ATP2B2: variants seen among roughly 807,000 people sequenced by gnomAD.
ATP2B2 encodes plasma membrane calcium-transporting ATPase 2.
A neutral mutation model predicts 120.0 loss-of-function variants in ATP2B2; 15 were observed. That is an observed-to-expected ratio of 0.12 (90% CI 0.08 to 0.19). The LOEUF is 0.19. ATP2B2 is among the 10% of genes least tolerant of loss of function. The probability of loss-of-function intolerance (pLI) is 1.00; values close to 1 mark genes in which losing one functional copy is unlikely to be tolerated. For missense variants in ATP2B2, 1,045 were observed against 1,719.8 expected (o/e 0.61, Z 6.94); for synonymous variants, 694 against 700.3 (o/e 0.99, Z 0.14).
At chr3:10,572,520 A>C (rs2068150618) in intron 2 of ATP2B2, among the ~76,000 whole-genome samples, 1 of 152,206 alleles carries the variant, frequency 6.6e-6, no homozygotes, top group East Asian at 1.9e-4. Flanking sequence ...TGTTATGTGT[A>C]TTTTAGCACA....
intron 11 of ATP2B2, among the ~76,000 whole-genome samples, chr3:10,374,603 G>A (rs3774169): frequency 0.069 from 10,429 of 152,212 alleles, 623 homozygotes; most frequent in East Asian, 0.32. Flanking sequence ...CCGGCCCTTC[G>A]AGGTGGAGAA....
chr3:10,618,200 A>G (rs2069448529), intron 2 of ATP2B2, among the ~76,000 whole-genome samples: 1 of 152,240 alleles, frequency 6.6e-6, no homozygotes, highest in Non-Finnish European at 1.5e-5. Flanking sequence ...CCAGTCCTGC[A>G]TCTTAATGGT....
At position 10,606,711 on chromosome 3, in the gene ATP2B2, A is replaced by G. The variant is rs187456217; in HGVS notation, c.-415+13206T>C. 2.2e-4 allele frequency among the ~76,000 whole-genome samples: 33 copies of G among 152,146 alleles called. 1 individual carries two copies. The highest frequency in any genetic ancestry group is 7.7e-4 in the African/African-American group (32 of 41,502). On this transcript the variant is annotated intron_variant, in intron 2 of 21. Transcript: ENST00000646379. Reference sequence around the variant, plus strand: ...GTCTACTTTTACAACGGTTTGGAGCACTAATGTGTGTGTCTGTGTGTATGT... The same window carrying G: ...GTCTACTTTTACAACGGTTTGGAGCGCTAATGTGTGTGTCTGTGTGTATGT...
At chr3:10,543,855 C>T (rs910065808) in intron 2 of ATP2B2, among the ~76,000 whole-genome samples, 50 of 152,060 alleles carry the variant, frequency 3.3e-4, no homozygotes, top group African/African-American at 1.2e-3. Context: ...TCTCCTGCCT[C>T]AGCCTCCTGG....
chr3:10,474,692 A>G lies in ATP2B2; in HGVS notation c.-319-24830T>C, dbSNP rs1379918801. On this transcript the variant is annotated intron_variant, in intron 1 of 22. Coordinates refer to ENST00000360273, the MANE Select transcript of ATP2B2 (RefSeq NM_001001331.4). ...TCCTTGTAACCTTCCCTCCTGCCAT[A>G]ATAAGCACCTTGTAAGGTTCCACAC... is the stretch of plus-strand genomic sequence containing the variant. Among the ~76,000 whole-genome samples the G allele has an allele frequency of 2.0e-5, 3 of 152,242 alleles. No homozygotes were observed. In the East Asian group the frequency reaches 5.8e-4, roughly 29 times the overall value.
At chr3:10,483,711 A>G (rs1197548885) in intron 1 of ATP2B2, among the ~76,000 whole-genome samples, 6 of 152,170 alleles carry the variant, frequency 3.9e-5, no homozygotes, top group Non-Finnish European at 8.8e-5. Context: ...GGTTTTAATA[A>G]TTCTATGGTA....
chr3:10,650,238 G>C (rs978901594), intron 1 of ATP2B2, among the ~76,000 whole-genome samples: 3 of 152,248 alleles, frequency 2.0e-5, no homozygotes, highest in African/African-American at 7.2e-5. Flanking sequence ...GGTCTCAGAT[G>C]GAGTTGAGGA....
intron 2 of ATP2B2, among the ~76,000 whole-genome samples, chr3:10,604,131 G>A (rs2068998098): frequency 6.6e-6 from 1 of 152,090 alleles, no homozygotes; most frequent in Non-Finnish European, 1.5e-5. Flanking sequence ...TCAGGGAGCT[G>A]GCAGGCACCT....
chr3:10,525,185 A>G (rs2067066782), intron 3 of ATP2B2, among the ~76,000 whole-genome samples: 1 of 152,156 alleles, frequency 6.6e-6, no homozygotes, highest in Non-Finnish European at 1.5e-5. Flanking sequence ...TAAGGCACTT[A>G]CAGATTCAAG....
At chr3:10,411,423 A>G (rs999396229) in intron 2 of ATP2B2, among the ~76,000 whole-genome samples, 1 of 152,188 alleles carries the variant, frequency 6.6e-6, no homozygotes. Flanking sequence ...TGTGGCAGCC[A>G]TGGGAAGCGA....
intron 1 of ATP2B2, among the ~76,000 whole-genome samples, chr3:10,467,305 T>C (rs567192623): frequency 2.0e-5 from 3 of 152,356 alleles, no homozygotes; most frequent in African/African-American, 7.2e-5. Flanking sequence ...GGTTATGCCT[T>C]AGCACAGGCT....
intron 13 of ATP2B2, among the ~76,000 whole-genome samples, chr3:10,359,533 C>T (rs561580112): frequency 6.6e-6 from 1 of 152,238 alleles, no homozygotes; most frequent in South Asian, 2.1e-4. Flanking sequence ...CTACCATCAA[C>T]CAACTCTACG....
intron 1 of ATP2B2, among the ~76,000 whole-genome samples, chr3:10,632,760 G>C (rs994571915): frequency 6.6e-6 from 1 of 152,218 alleles, no homozygotes; most frequent in Non-Finnish European, 1.5e-5. Context: ...ACACAGCCCT[G>C]CACAGGGTCG....
intron 2 of ATP2B2, among the ~76,000 whole-genome samples, chr3:10,414,938 A>G (rs2062731062): frequency 6.6e-6 from 1 of 152,166 alleles, no homozygotes; most frequent in East Asian, 1.9e-4. Flanking sequence ...CGAGCATCCC[A>G]GAATCAAAGT....
Position 10,390,382 on chromosome 3 carries a change from G to C in ATP2B2, c.782-1980C>G, listed in dbSNP as rs193080635. On this transcript the variant is annotated intron_variant, in intron 5 of 22. Transcript: ENST00000360273. ...GACCTAAAGAGCTTGCCTTAAGCAA[G>C]GTATCTGTTTTCACTTTTTAAGTGG... Among the ~76,000 whole-genome samples the C allele has an allele frequency of 4.2e-3, 643 of 152,278 alleles. 1 individual carries two copies. Among genetic ancestry groups the C allele is most frequent in the Non-Finnish European group, 6.8e-3 (465 of 68,016 alleles).
Position 10,378,399 on chromosome 3 carries a change from C to T in ATP2B2, c.1054G>A (p.Asp352Asn). The T allele has an allele frequency of 6.2e-7, 1 of 1,602,178 alleles. No individual in the cohort carries two copies. The highest frequency in any genetic ancestry group is 8.5e-7 in the Non-Finnish European group (1 of 1,179,976). The change falls in exon 10 of 23, where the codon GAC becomes AAC. Residue 352 changes from aspartate to asparagine, a missense_variant. By Grantham distance (23) the Asp-to-Asn change is conservative (BLOSUM62 1). This residue lies in a region of ATP2B2 where 145 missense variants were observed against 202.0 expected (regional missense o/e 0.72). Transcript: ENST00000360273. ...DASQSKAKQQ[D>N]GAAAMEMQPL... ...TGCATCTCCATGGCGGCTGCCCCGT[C>T]CTGTTGTTTGGCTGCAGGGGGCAGA...
intron 1 of ATP2B2, among the ~76,000 whole-genome samples, chr3:10,476,501 C>G (rs1181622826): frequency 6.6e-6 from 1 of 152,208 alleles, no homozygotes; most frequent in Admixed American, 6.5e-5. Context: ...GAGCAAGGGT[C>G]AAGGCTGGGG....
chr3:10,682,297 A>G (rs1372754329), intron 1 of ATP2B2, among the ~76,000 whole-genome samples: 1 of 152,184 alleles, frequency 6.6e-6, no homozygotes, highest in Non-Finnish European at 1.5e-5. Context: ...ATGTGTTACC[A>G]CCAGAGGTAG....
chr3:10,419,476 G>C (rs1289787074), intron 2 of ATP2B2, among the ~76,000 whole-genome samples: 4 of 152,168 alleles, frequency 2.6e-5, no homozygotes, highest in African/African-American at 4.8e-5. Context: ...ATTTCTGTCT[G>C]TGTTGCCGCT....
Sources: gnomAD v4.1 joint callset for allele counts (sites outside exome capture counted in the v4.1 genomes callset) on GRCh38, gnomAD v4.1.1 for gene constraint, gnomAD v4.1.1 regional missense constraint, MANE v1.5 for transcripts, NCBI Gene and HGNC (gene_info 2026-07-23, HGNC 2026-07-21) for gene names.